Variants in DCTN6 observed in about 807,000 individuals in gnomAD.
DCTN6 encodes the protein dynactin subunit 6.
In DCTN6, 15 loss-of-function variants were observed where a neutral mutation model predicts 25.8. That is an observed-to-expected ratio of 0.58 (90% CI 0.39 to 0.89). DCTN6 has a LOEUF of 0.89. DCTN6 is among the 40% of genes least tolerant of loss of function. The probability of loss-of-function intolerance (pLI) is 0.00; values close to 1 mark genes in which losing one functional copy is unlikely to be tolerated. For synonymous variants in DCTN6, 64 were observed against 78.3 expected, an observed-to-expected ratio of 0.82 and a Z score of 0.96; for missense variants, 198 against 237.6, an observed-to-expected ratio of 0.83 and a Z score of 1.09.
chr8:30,179,537 C>G, intron 5 of DCTN6, 82 bp downstream of exon 5: 14 of 1,269,984 alleles, frequency 1.1e-5, no homozygotes, highest in Non-Finnish European at 1.4e-5. Flanking sequence ...CTAATAGAAA[C>G]TGTGGCAAGG....
At chr8:30,163,824 T>C (rs1314946906) in intron 1 of DCTN6, among the ~76,000 whole-genome samples, 2 of 151,564 alleles carry the variant, frequency 1.3e-5, no homozygotes, top group African/African-American at 4.8e-5. Context: ...TGCCTCAGCC[T>C]CCCAAGTAGC....
intron 2 of DCTN6, among the ~76,000 whole-genome samples, chr8:30,174,566 C>T (rs1241411700): frequency 1.3e-5 from 2 of 152,110 alleles, no homozygotes; most frequent in African/African-American, 4.8e-5. Flanking sequence ...GATCTCCTGA[C>T]CTTAAGCGAT....
At position 30,183,098 on chromosome 8, in the gene DCTN6, C is replaced by T; in HGVS notation, c.498C>T (p.Phe166=). The T allele has an allele frequency of 6.2e-7, 1 of 1,614,070 alleles. No individual in the cohort carries two copies. Among genetic ancestry groups the T allele is most frequent in the South Asian group, 1.1e-5 (1 of 91,084 alleles). ...RPQPQTLQLD[F]LMKILPNYHH... is the part of the protein sequence containing the mutation. Reference sequence around the variant, plus strand: ...AGCCCCAGACACTACAGCTGGATTTCTTGATGAAAATCTTGCCAAATTACC... The same window carrying T: ...AGCCCCAGACACTACAGCTGGATTTTTTGATGAAAATCTTGCCAAATTACC... The change falls in exon 7 of 7, where the codon TTC becomes TTT. Residue 166 remains phenylalanine (F), a synonymous_variant. Transcript: ENST00000221114.
intron 6 of DCTN6, among the ~76,000 whole-genome samples, chr8:30,182,481 A>G (rs1197549726): frequency 6.6e-6 from 1 of 152,096 alleles, no homozygotes; most frequent in Non-Finnish European, 1.5e-5. Flanking sequence ...TTAACTTTTC[A>G]GAAGCCAGGG....
chr8:30,157,796 G>A (rs1803545660), intron 1 of DCTN6, among the ~76,000 whole-genome samples: 1 of 152,162 alleles, frequency 6.6e-6, no homozygotes, highest in African/African-American at 2.4e-5. Context: ...TTTTGACAAA[G>A]AAAACTGACA....
chr8:30,156,518 C>CG (rs1431777553), intron 1 of DCTN6, 112 bp downstream of exon 1: 12 of 1,307,104 alleles, frequency 9.2e-6, no homozygotes, highest in African/African-American at 2.9e-5. Flanking sequence ...GCATTCGGGC[C>CG]GAAGGTACCT....
intron 1 of DCTN6, among the ~76,000 whole-genome samples, chr8:30,157,218 G>C (rs187911785): frequency 6.6e-6 from 1 of 152,178 alleles, no homozygotes; most frequent in Admixed American, 6.5e-5. Flanking sequence ...GAGTTATCGC[G>C]TAAGGTAATG....
intron 2 of DCTN6, chr8:30,165,933 C>T (rs1216316860): frequency 1.3e-5 from 2 of 151,706 alleles, no homozygotes; most frequent in African/African-American, 2.4e-5. Flanking sequence ...TTTTCAGTGC[C>T]GTGGTAACTC....
chr8:30,181,917 C>T (rs1803915382), intron 6 of DCTN6, among the ~76,000 whole-genome samples: 1 of 150,966 alleles, frequency 6.6e-6, no homozygotes. Context: ...GCTTCTGATT[C>T]TTAGCCATAT....
At chr8:30,183,051 G>T in intron 6 of DCTN6, 24 bp from the exon 7 acceptor site, 8 of 1,608,598 alleles carry the variant, frequency 5.0e-6, no homozygotes, top group Non-Finnish European at 6.8e-6. Context: ...CTGCCAATCG[G>T]CCTTAATTAC....
At chr8:30,156,647 C>G (rs1183918328) in intron 1 of DCTN6, among the ~76,000 whole-genome samples, 2 of 152,066 alleles carry the variant, frequency 1.3e-5, no homozygotes, top group Non-Finnish European at 1.5e-5. Flanking sequence ...CGTCCCTCCC[C>G]ACATGCGCCT....
At chr8:30,163,809 T>G (rs1386412539) in intron 1 of DCTN6, among the ~76,000 whole-genome samples, 2 of 151,866 alleles carry the variant, frequency 1.3e-5, no homozygotes, top group Non-Finnish European at 2.9e-5. Context: ...TTCAAGTGAT[T>G]CTCCTGCCTC....
At chr8:30,163,330 C>T (rs1036423171) in intron 1 of DCTN6, among the ~76,000 whole-genome samples, 1 of 152,140 alleles carries the variant, frequency 6.6e-6, no homozygotes. Context: ...CTATGTTGCC[C>T]AGGCTGGTCT....
intron 2 of DCTN6, among the ~76,000 whole-genome samples, chr8:30,166,379 C>T (rs1024458397): frequency 6.7e-6 from 1 of 148,402 alleles, no homozygotes; most frequent in Non-Finnish European, 1.5e-5. Context: ...AACTCCTGGG[C>T]TCAAGCGATC....
intron 2 of DCTN6, among the ~76,000 whole-genome samples, chr8:30,170,166 CTG>C (rs753063642): frequency 1.9e-4 from 29 of 148,990 alleles, no homozygotes; most frequent in Non-Finnish European, 3.8e-4. Flanking sequence ...GAGCGAGACT[CTG>C]TATCCAAAAA....
chr8:30,156,931 A>G (rs1803534541), intron 1 of DCTN6, among the ~76,000 whole-genome samples: 1 of 152,120 alleles, frequency 6.6e-6, no homozygotes, highest in Non-Finnish European at 1.5e-5. Flanking sequence ...CCTGGACTTG[A>G]ACTGTGACAC....
At chr8:30,182,898 G>T (rs1184549789) in intron 6 of DCTN6, among the ~76,000 whole-genome samples, 177 bp from the exon 7 acceptor site, 2 of 151,926 alleles carry the variant, frequency 1.3e-5, no homozygotes, top group East Asian at 3.9e-4. Context: ...AATTTTTTTA[G>T]TGACAAGATC....
At chr8:30,180,734 A>G in intron 6 of DCTN6, 104 bp downstream of exon 6, 1 of 1,336,704 alleles carries the variant, frequency 7.5e-7, no homozygotes, top group South Asian at 1.5e-5. Flanking sequence ...GAACATAATT[A>G]AAATAAAACA....
At chr8:30,161,409 C>G (rs377010782) in intron 1 of DCTN6, among the ~76,000 whole-genome samples, 6 of 152,124 alleles carry the variant, frequency 3.9e-5, no homozygotes, top group Non-Finnish European at 5.9e-5. Flanking sequence ...CTCCCTGACC[C>G]CCCCCACCAC....
Sources: gnomAD v4.1 joint callset for allele counts (sites outside exome capture counted in the v4.1 genomes callset) on GRCh38, gnomAD v4.1.1 for gene constraint, MANE v1.5 for transcripts, NCBI Gene and HGNC (gene_info 2026-07-23, HGNC 2026-07-21) for gene names.